Variants in ANKRD36 observed in about 807,000 individuals in gnomAD.
The protein encoded by ANKRD36 is ankyrin repeat domain-containing protein 36A.
Under a neutral mutation model 278.1 loss-of-function variants are expected in ANKRD36, and 179 were observed. The ratio of observed to expected loss-of-function variants is 0.64; its 90% CI spans 0.57 to 0.73. ANKRD36 has a LOEUF of 0.73. ANKRD36 is among the 30% of genes least tolerant of loss of function. The probability of loss-of-function intolerance (pLI) is 0.00; values close to 1 mark genes in which losing one functional copy is unlikely to be tolerated. For missense variants in ANKRD36, 1,159 were observed against 1,956.7 expected (o/e 0.59, Z 7.69); for synonymous variants, 320 against 641.1 (o/e 0.50, Z 7.57).
intron 54 of ANKRD36, among the ~76,000 whole-genome samples, chr2:97,208,327 G>A (rs2063430639): frequency 6.8e-6 from 1 of 146,688 alleles, no homozygotes; most frequent in Non-Finnish European, 1.5e-5. Flanking sequence ...GAAGGAGAAA[G>A]AGAGGAAGTA....
At chr2:97,222,529 G>A (rs1464430084) in intron 66 of ANKRD36, among the ~76,000 whole-genome samples, 1 of 152,086 alleles carries the variant, frequency 6.6e-6, no homozygotes, top group African/African-American at 2.4e-5. Flanking sequence ...TTTAACTGAG[G>A]TGAGACGATA....
chr2:97,155,196 T>C (rs1575042871), intron 15 of ANKRD36, among the ~76,000 whole-genome samples: 1 of 141,758 alleles, frequency 7.1e-6, no homozygotes, highest in East Asian at 2.0e-4. Flanking sequence ...ACACATAGCA[T>C]ATAGTTTCTT....
At chr2:97,174,055 T>C (rs923540313) in intron 22 of ANKRD36, among the ~76,000 whole-genome samples, 5 of 151,276 alleles carry the variant, frequency 3.3e-5, no homozygotes, top group Non-Finnish European at 7.4e-5. Flanking sequence ...TATATATATG[T>C]ATTATGTCAT....
At chr2:97,183,395 T>C (rs2056710163) in intron 26 of ANKRD36, 64 bp from the exon 27 acceptor site, 1 of 1,485,930 alleles carries the variant, frequency 6.7e-7, no homozygotes, top group African/African-American at 1.4e-5. Context: ...TAACACTGCA[T>C]GAATGTATGG....
At position 97,189,422 on chromosome 2, in the gene ANKRD36, G is replaced by A; in HGVS notation, c.2245+132G>A. The A allele has an allele frequency of 6.7e-6, 3 of 447,110 alleles. 1 individual carries two copies. In the East Asian group the frequency reaches 8.7e-5, roughly 13 times the overall value. 27.7% of individuals were successfully genotyped at this position (447,110 alleles called of 1,614,324 possible). A position where few individuals can be genotyped will look rare whatever the true frequency, so the allele number is the denominator to read the frequency against. ...ACATTCTGATTCAGCAGGCCTGAGAGTCTTCATTTGTAATAAATTCCTGGG... is the reference window on the plus strand; with the variant it reads ...ACATTCTGATTCAGCAGGCCTGAGAATCTTCATTTGTAATAAATTCCTGGG... On this transcript the variant is annotated intron_variant, in intron 34 of 75. Transcript: ENST00000420699.
At chr2:97,178,596 C>T (rs942546008) in intron 22 of ANKRD36, among the ~76,000 whole-genome samples, 7 of 147,784 alleles carry the variant, frequency 4.7e-5, no homozygotes, top group African/African-American at 1.5e-4. Context: ...CCAAACACCG[C>T]ATATTCTCAC....
intron 68 of ANKRD36, 64 bp downstream of exon 68, chr2:97,233,935 T>TA: frequency 2.2e-5 from 16 of 733,694 alleles, no homozygotes; most frequent in Non-Finnish European, 3.3e-5. Flanking sequence ...CACACATTGC[T>TA]TAACACTGTA....
chr2:97,180,855 T>G (rs935297690), intron 24 of ANKRD36, among the ~76,000 whole-genome samples: 1 of 151,708 alleles, frequency 6.6e-6, no homozygotes, highest in African/African-American at 2.4e-5. Context: ...ATGTAAAACT[T>G]ATTAATATCT....
At chr2:97,226,260 A>G (rs1381172652) in intron 67 of ANKRD36, among the ~76,000 whole-genome samples, 3 of 151,970 alleles carry the variant, frequency 2.0e-5, no homozygotes, top group Admixed American at 6.6e-5. Context: ...AAGTGTTCCT[A>G]TTTCTCCACA....
In ANKRD36 at chr2:97,179,916, G is replaced by A. The variant is rs750613624; in HGVS notation, c.1718G>A (p.Gly573Glu). 1.8e-4 allele frequency: 290 copies of A among 1,605,598 alleles called. No homozygotes were observed. The highest frequency in any genetic ancestry group is 8.7e-4 in the African/African-American group (65 of 74,680). Reference sequence around the variant, plus strand: ...AATATAGCCACAGAAATAAAGGAGGGACCAATATCTGGGACAGGTAATTTT... The same window carrying A: ...AATATAGCCACAGAAATAAAGGAGGAACCAATATCTGGGACAGGTAATTTT... ...VSNIATEIKE[G>E]PISGTVSSQK... Residue 573 changes from glycine to glutamate, a missense_variant, in exon 24 of 76, where the codon GGA becomes GAA. Physicochemically the swap from Gly to Glu is moderately conservative, Grantham distance 98. Transcript: ENST00000420699.
chr2:97,261,235 A>G (rs1186826997), intron 75 of ANKRD36, among the ~76,000 whole-genome samples: 1 of 127,690 alleles, frequency 7.8e-6, no homozygotes, highest in Non-Finnish European at 1.5e-5. Context: ...CACCCTATTA[A>G]TCATTTCTAG....
chr2:97,202,576 T>C lies in ANKRD36; in HGVS notation c.2959+183T>C, dbSNP rs201474380. Among the ~76,000 whole-genome samples the C allele has an allele frequency of 5.7e-3, 861 of 151,828 alleles. 17 individuals are homozygous for C. The East Asian group carries it at 0.06, about 11-fold the overall frequency. ...TGCTGGTCTGGAACATGATCTTCGCTGTAAGATTATACACTTCCCCACATT... is the reference window on the plus strand; with the variant it reads ...TGCTGGTCTGGAACATGATCTTCGCCGTAAGATTATACACTTCCCCACATT... On this transcript the variant is annotated intron_variant, in intron 48 of 75. Transcript: ENST00000420699.
chr2:97,130,987 A>G (rs2039991423), intron 6 of ANKRD36, among the ~76,000 whole-genome samples: 1 of 152,082 alleles, frequency 6.6e-6, no homozygotes, highest in Admixed American at 6.6e-5. Context: ...AGTTTCTTTT[A>G]AATTTTCAAA....
chr2:97,220,494 T>C (rs1485246651), intron 66 of ANKRD36, among the ~76,000 whole-genome samples: 4 of 151,392 alleles, frequency 2.6e-5, no homozygotes, highest in Non-Finnish European at 4.4e-5. Context: ...ATGTGAAGCC[T>C]TCCTTTCTTT....
intron 6 of ANKRD36, among the ~76,000 whole-genome samples, chr2:97,130,112 G>A (rs1057431094): frequency 1.3e-5 from 2 of 151,956 alleles, no homozygotes; most frequent in African/African-American, 2.4e-5. Flanking sequence ...AGCCTGGAAT[G>A]TTCTTCCATT....
intron 6 of ANKRD36, among the ~76,000 whole-genome samples, chr2:97,135,159 G>C (rs1450873255): frequency 6.6e-6 from 1 of 151,922 alleles, no homozygotes; most frequent in Non-Finnish European, 1.5e-5. Flanking sequence ...TAGATTTTTT[G>C]AATTAGAGTG....
In ANKRD36 at chr2:97,129,400, A is replaced by T. The variant is rs945055141; in HGVS notation, c.799+2266A>T. Among the ~76,000 whole-genome samples, 5 of 151,812 alleles carry T rather than the reference A, an allele frequency of 3.3e-5. 1 individual carries two copies. The highest frequency in any genetic ancestry group is 1.2e-4 in the African/African-American group (5 of 41,378). Reference sequence around the variant, plus strand: ...TTTGTCAGATGAGTAGGTTGCAAAAATTTTCTCCCATTCTGTAGGTTGTCT... The same window carrying T: ...TTTGTCAGATGAGTAGGTTGCAAAATTTTTCTCCCATTCTGTAGGTTGTCT... On this transcript the variant is annotated intron_variant, in intron 6 of 75. Transcript: ENST00000420699.
rs1328898503 is a variant in ANKRD36 at position 97,152,548 on chromosome 2, G to C, written c.1193+14G>C. On this transcript the variant is annotated intron_variant, in intron 14 of 75. Transcript: ENST00000420699. ...GGCTGTTGACAGGTATGATTTCAGA[G>C]ATTTTTTAAAGTGATATGTTAACTA... 1 of 1,470,690 alleles carries C rather than the reference G, an allele frequency of 6.8e-7. No homozygotes were observed. Among genetic ancestry groups the C allele is most frequent in the Admixed American group, 2.1e-5 (1 of 48,470 alleles). The allele number at this position is 1,470,690 out of a possible 1,614,324, so 91.1% of individuals were successfully genotyped here.
chr2:97,203,315 A>G (rs1351066440), intron 48 of ANKRD36, among the ~76,000 whole-genome samples: 1 of 151,854 alleles, frequency 6.6e-6, no homozygotes, highest in Non-Finnish European at 1.5e-5. Context: ...AAACTGATCA[A>G]TATCTAATGC....
Sources: gnomAD v4.1 joint callset for allele counts (sites outside exome capture counted in the v4.1 genomes callset) on GRCh38, gnomAD v4.1.1 for gene constraint, MANE v1.5 for transcripts, NCBI Gene and HGNC (gene_info 2026-07-23, HGNC 2026-07-21) for gene names.